FAM13C: variants seen among roughly 807,000 people sequenced by gnomAD.
FAM13C encodes the protein family with sequence similarity 13 member C, also known as protein FAM13C.
Under a neutral mutation model 73.2 loss-of-function variants are expected in FAM13C, and 37 were observed. The observed-to-expected ratio is 0.51, with a 90% CI of 0.39 to 0.67. FAM13C has a LOEUF of 0.67. Ranked by LOEUF, FAM13C falls within the 30% of genes least tolerant of loss-of-function variation. FAM13C has a pLI of 0.00. For missense variants in FAM13C, 589 were observed against 715.6 expected (o/e 0.82, Z 2.02); for synonymous variants, 246 against 260.9 (o/e 0.94, Z 0.55).
rs574331759 is a variant in FAM13C, at chr10:59,350,618, T to C, written c.324+1652A>G. Among the ~76,000 whole-genome samples the C allele has an allele frequency of 1.0e-3, 154 of 152,316 alleles. 1 individual carries two copies. The highest frequency in any genetic ancestry group is 3.5e-3 in the African/African-American group (145 of 41,558). On this transcript the variant is annotated intron_variant, in intron 3 of 13. Transcript: ENST00000618804. ...CGCTGCAACAAGAGTTACACTCTGT[T>C]TAAGATCATCACAACACACCTTCAT...
At chr10:59,309,834 A>G (rs1848716482) in intron 4 of FAM13C, among the ~76,000 whole-genome samples, 1 of 152,206 alleles carries the variant, frequency 6.6e-6, no homozygotes, top group South Asian at 2.1e-4. Context: ...TATGACACAC[A>G]GTAGGCACTC....
chr10:59,344,271 T>C (rs1244410636), intron 3 of FAM13C, among the ~76,000 whole-genome samples: 4 of 137,500 alleles, frequency 2.9e-5, no homozygotes, highest in Non-Finnish European at 3.1e-5. Flanking sequence ...CTCTATAAAC[T>C]ACTTCTTTTT....
chr10:59,361,498 A>G (rs1355087612), intron 1 of FAM13C, among the ~76,000 whole-genome samples: 1 of 152,158 alleles, frequency 6.6e-6, no homozygotes, highest in Admixed American at 6.5e-5. Context: ...ATACAACTTT[A>G]CACATGCCTT....
intron 1 of FAM13C, among the ~76,000 whole-genome samples, chr10:59,360,701 G>A (rs951064569): frequency 6.6e-6 from 1 of 151,888 alleles, no homozygotes; most frequent in Non-Finnish European, 1.5e-5. Flanking sequence ...TTAGCCAAAT[G>A]GCATACCAAT....
In FAM13C at chr10:59,270,032, T is replaced by G; in HGVS notation, c.670A>C (p.Arg224=). 1 of 1,613,924 alleles carries G rather than the reference T, an allele frequency of 6.2e-7. No homozygotes were observed. Among genetic ancestry groups the G allele is most frequent in the Non-Finnish European group, 8.5e-7 (1 of 1,179,876 alleles). The change falls in exon 7 of 14, where the codon AGG becomes CGG. Residue 224 remains arginine, a synonymous_variant. Coordinates refer to ENST00000618804, the MANE Select transcript of FAM13C (RefSeq NM_198215.4). ...CCATCAGTGATGTGATAGAGCAGCC[T>G]GCTGGTCCCCACAGAGTGGAGGTCT... ...PEDLHSVGTS[R]LLYHITDGDN...
intron 3 of FAM13C, among the ~76,000 whole-genome samples, chr10:59,346,403 T>A (rs1854296546): frequency 6.6e-6 from 1 of 152,326 alleles, no homozygotes; most frequent in Admixed American, 6.5e-5. Context: ...TAGATTTCTC[T>A]TCAGCCTCTT....
intron 4 of FAM13C, among the ~76,000 whole-genome samples, chr10:59,322,287 T>G (rs891251015): frequency 6.6e-6 from 1 of 152,206 alleles, no homozygotes; most frequent in Non-Finnish European, 1.5e-5. Flanking sequence ...GTTACTTAAC[T>G]AAGAGTACTA....
At chr10:59,301,254 G>GA (rs201791425) in intron 5 of FAM13C, 21 of 150,358 alleles carry the variant, frequency 1.4e-4, no homozygotes, top group African/African-American at 2.2e-4. Flanking sequence ...CCCCCTGATG[G>GA]AAAAAAAAAC....
At chr10:59,332,059 G>T (rs573654434) in intron 3 of FAM13C, among the ~76,000 whole-genome samples, 2 of 152,212 alleles carry the variant, frequency 1.3e-5, no homozygotes, top group African/African-American at 4.8e-5. Context: ...CACAAGTGAG[G>T]TAACACAATT....
chr10:59,354,609 C>T (rs1366297926), intron 2 of FAM13C, among the ~76,000 whole-genome samples: 1 of 152,060 alleles, frequency 6.6e-6, no homozygotes, highest in Non-Finnish European at 1.5e-5. Flanking sequence ...AAATGCCTAC[C>T]ATAGAAAGCT....
At chr10:59,304,537 G>T (rs1482599641) in intron 4 of FAM13C, among the ~76,000 whole-genome samples, 1 of 151,872 alleles carries the variant, frequency 6.6e-6, no homozygotes, top group Non-Finnish European at 1.5e-5. Context: ...GGAGCTAAAT[G>T]ATGAGAACAC....
chr10:59,342,043 G>A (rs375499900), intron 3 of FAM13C, among the ~76,000 whole-genome samples: 105 of 152,218 alleles, frequency 6.9e-4, no homozygotes, highest in African/African-American at 2.2e-3. Context: ...TGCCAGGAGC[G>A]ATGTCACTTT....
rs115765005 is a variant in FAM13C, at chr10:59,322,232, C to T, written c.443+1756G>A. The stretch of plus-strand genomic sequence containing the variant: ...TTTTTAAAGTTCCATTAGAATGTCC[C>T]TTGGTGATGTCACCATGGTTGTGAT... On this transcript the variant is annotated intron_variant, in intron 4 of 13. Coordinates refer to ENST00000618804, the MANE Select transcript of FAM13C (RefSeq NM_198215.4). Among the ~76,000 whole-genome samples the T allele has an allele frequency of 5.5e-3, 831 of 152,254 alleles. 3 individuals are homozygous for T. Among genetic ancestry groups the T allele is most frequent in the African/African-American group, 0.019 (781 of 41,546 alleles).
chr10:59,264,192 G>T (rs759053855), intron 8 of FAM13C, 26 bp from the exon 9 acceptor site: 17 of 1,530,868 alleles, frequency 1.1e-5, no homozygotes, highest in Admixed American at 1.7e-5. Context: ...AAAAATGGGG[G>T]TGGAAGGGAG....
chr10:59,351,175 T>C (rs1036458985), intron 3 of FAM13C, among the ~76,000 whole-genome samples: 2 of 151,514 alleles, frequency 1.3e-5, no homozygotes, highest in Non-Finnish European at 2.9e-5. Flanking sequence ...ACAAAGAAAA[T>C]ACAAAAATTA....
At position 59,300,914 on chromosome 10, in the gene FAM13C, A is replaced by G. The variant is rs184809194; in HGVS notation, c.507+1887T>C. 1.2e-3 allele frequency: 190 copies of G among 152,350 alleles called. 1 individual carries two copies. Among genetic ancestry groups the G allele is most frequent in the African/African-American group, 4.4e-3 (185 of 41,576 alleles). The allele number at this position is 152,350 out of a possible 1,614,324, so 9.4% of individuals were successfully genotyped here. A position where few individuals can be genotyped will look rare whatever the true frequency, so the allele number is the denominator to read the frequency against. ...TAAGAATTCATTCAGCTGTATACCT[A>G]TGACCTGTGCACTTTTCTGTATGTA... On this transcript the variant is annotated intron_variant, in intron 5 of 13. Coordinates refer to ENST00000618804, the MANE Select transcript of FAM13C (RefSeq NM_198215.4).
intron 3 of FAM13C, among the ~76,000 whole-genome samples, chr10:59,339,401 A>C (rs1055758176): frequency 2.7e-5 from 2 of 73,570 alleles, no homozygotes; most frequent in South Asian, 9.3e-4. Context: ...CAGTCTCCTC[A>C]GCTGTTAGAA....
At chr10:59,308,578 C>CCACCAG (rs1848548580) in intron 4 of FAM13C, among the ~76,000 whole-genome samples, 1 of 151,786 alleles carries the variant, frequency 6.6e-6, no homozygotes, top group East Asian at 1.9e-4. Flanking sequence ...ACCATCACCA[C>CCACCAG]CACCAGCACC....
Position 59,254,352 on chromosome 10 carries a change from G to A in FAM13C, c.1328C>T (p.Thr443Ile), listed in dbSNP as rs148740536. The change falls in exon 11 of 14, where the codon ACA becomes ATA. Residue 443 changes from threonine to isoleucine, a missense_variant. Physicochemically the swap from Thr to Ile is moderately conservative, Grantham distance 89. Coordinates refer to ENST00000618804, the MANE Select transcript of FAM13C (RefSeq NM_198215.4). ...QILSTPSLIP[T>I]IQEEEDSDED... The stretch of plus-strand genomic sequence containing the variant: ...CATGCAAGTATCCTGACTTACAATT[G>A]TTGGAATAAGGGAAGGTGTTGACAA... 5.8e-4 allele frequency: 901 copies of A among 1,544,636 alleles called. 2 individuals are homozygous for A. Among genetic ancestry groups the A allele is most frequent in the Non-Finnish European group, 7.1e-4 (810 of 1,141,820 alleles).
Sources: gnomAD v4.1 joint callset for allele counts (sites outside exome capture counted in the v4.1 genomes callset) on GRCh38, gnomAD v4.1.1 for gene constraint, MANE v1.5 for transcripts, NCBI Gene and HGNC (gene_info 2026-07-23, HGNC 2026-07-21) for gene names.